The following CFAP47 variants were observed in gnomAD, a reference collection of about 807,000 sequenced individuals.
CFAP47 encodes the protein cilia and flagella associated protein 47.
In CFAP47, 29 loss-of-function variants were observed where a neutral mutation model predicts 148.1. That is an observed-to-expected ratio of 0.20 (90% CI 0.15 to 0.27). The LOEUF (loss-of-function observed/expected upper bound fraction) is 0.27, where lower values mean the gene tolerates loss of function less well. Among genes scored for constraint, CFAP47 ranks in the 10% least tolerant of loss-of-function variants. The pLI, the probability that CFAP47 is intolerant of heterozygous loss-of-function variation, is 1.00. For synonymous variants in CFAP47, 664 were observed against 577.3 expected (o/e 1.15, Z -2.15); for missense variants, 1,872 against 1,697.5 (o/e 1.10, Z -1.81).
chrX:36,112,597 T>C (rs1938574386), intron 33 of CFAP47, among the ~76,000 whole-genome samples: 1 of 111,581 alleles, frequency 9.0e-6, no homozygotes, highest in African/African-American at 3.3e-5. Flanking sequence ...GGTGGATAGT[T>C]CTGTAGATGT....
intron 10 of CFAP47, among the ~76,000 whole-genome samples, chrX:35,970,210 G>A (rs1261550152): frequency 9.0e-6 from 1 of 110,663 alleles, no homozygotes; most frequent in Non-Finnish European, 1.9e-5. Flanking sequence ...AAAAGGAAGA[G>A]CATAAACCCA....
At chrX:36,008,864 G>A (rs1331816476) in intron 21 of CFAP47, among the ~76,000 whole-genome samples, 1 of 111,684 alleles carries the variant, frequency 9.0e-6, no homozygotes, top group Non-Finnish European at 1.9e-5. Context: ...TCCCCTCTGT[G>A]AAATCTCTGG....
intron 57 of CFAP47, among the ~76,000 whole-genome samples, chrX:36,323,342 T>A (rs1344352308): frequency 8.2e-5 from 9 of 110,228 alleles, no homozygotes; most frequent in Non-Finnish European, 1.5e-4. Flanking sequence ...CCTAGGCCTT[T>A]TTTTTTTTCT....
chrX:35,941,234 C>G (rs1489977616), intron 2 of CFAP47, 49 bp from the exon 3 acceptor site: 2 of 672,257 alleles, frequency 3.0e-6, no homozygotes, highest in African/African-American at 2.3e-5. Flanking sequence ...AGCTATCAGG[C>G]TCTTATGATT....
chrX:36,108,570 A>G (rs1309534011), intron 33 of CFAP47, among the ~76,000 whole-genome samples: 2 of 111,500 alleles, frequency 1.8e-5, no homozygotes, highest in African/African-American at 6.5e-5. Context: ...TCACCCTCTC[A>G]TATTTACCAC....
At chrX:36,366,351 T>G (rs1049795442) in intron 61 of CFAP47, among the ~76,000 whole-genome samples, 7 of 111,787 alleles carry the variant, frequency 6.3e-5, no homozygotes, top group Non-Finnish European at 1.3e-4. Flanking sequence ...TTTGAAAGTC[T>G]TAAGTCTATC....
At chrX:35,958,270 C>T (rs994525900) in intron 8 of CFAP47, among the ~76,000 whole-genome samples, 4 of 111,467 alleles carry the variant, frequency 3.6e-5, no homozygotes, top group Non-Finnish European at 3.8e-5. Context: ...TTTGTTTATC[C>T]GGTCATCAAT....
chrX:36,381,156 C>T (rs1234670029), intron 63 of CFAP47, among the ~76,000 whole-genome samples: 2 of 111,335 alleles, frequency 1.8e-5, no homozygotes, highest in Non-Finnish European at 3.8e-5. Flanking sequence ...AATCACCATG[C>T]ACTAATAATC....
chrX:36,085,481 A>G lies in CFAP47; in HGVS notation c.4859A>G (p.His1620Arg), dbSNP rs1459761188. 4 of 1,208,168 alleles carry G rather than the reference A, an allele frequency of 3.3e-6. No homozygotes were observed. Among genetic ancestry groups the G allele is most frequent in the Non-Finnish European group, 4.5e-6 (4 of 893,135 alleles). ...AGTCAATCTTTACCTGTAGATAACC[A>G]TGAAAAAAGGGTAATTCAACTCCAT... ...NSSQSLPVDN[H>R]EKRVIQLHLQ... The change falls in exon 30 of 64, where the codon CAT (histidine) becomes CGT (arginine). Residue 1620 changes from histidine to arginine, a missense_variant. Physicochemically the swap from His to Arg is conservative, Grantham distance 29. Coordinates refer to ENST00000378653, the MANE Select transcript of CFAP47 (RefSeq NM_001304548.2).
At chrX:36,137,333 C>G (rs911532718) in intron 33 of CFAP47, among the ~76,000 whole-genome samples, 2 of 111,297 alleles carry the variant, frequency 1.8e-5, no homozygotes, top group African/African-American at 6.5e-5. Flanking sequence ...AACCTCCACC[C>G]AATATAGGTC....
intron 61 of CFAP47, among the ~76,000 whole-genome samples, chrX:36,365,232 A>G (rs1306305328): frequency 9.1e-6 from 1 of 110,392 alleles, no homozygotes; most frequent in Non-Finnish European, 1.9e-5. Flanking sequence ...GTTTAAGATT[A>G]TGTATTAATC....
At chrX:36,345,348 A>G (rs782740793) in intron 57 of CFAP47, among the ~76,000 whole-genome samples, 11 of 111,503 alleles carry the variant, frequency 9.9e-5, no homozygotes, top group Non-Finnish European at 1.9e-4. Flanking sequence ...GATTTTTGGC[A>G]TGAGACTGTT....
intron 26 of CFAP47, among the ~76,000 whole-genome samples, chrX:36,055,118 T>C (rs1226698847): frequency 9.0e-6 from 1 of 110,563 alleles, no homozygotes; most frequent in Non-Finnish European, 1.9e-5. Flanking sequence ...TTTTTTTTAA[T>C]TTAACACCAT....
Position 35,924,059 on chromosome X carries a change from GC to G in CFAP47, c.250-1957del, listed in dbSNP as rs1339863141. Among the ~76,000 whole-genome samples, 7 of 94,789 alleles carry G rather than the reference GC, an allele frequency of 7.4e-5. 2 individuals carry two copies. The highest frequency in any genetic ancestry group is 2.9e-4 in the African/African-American group (7 of 23,729). The allele number at this position is 94,789 out of a possible 115,157, so 82.3% of individuals were successfully genotyped here. A position where few individuals can be genotyped will look rare whatever the true frequency, so the allele number is the denominator to read the frequency against. The stretch of plus-strand genomic sequence containing the variant: ...CATATATGTGTATATGTACATGTAT[GC>G]GCACATATATGTATATATGTACATG... On this transcript the variant is annotated intron_variant, in intron 1 of 63. Transcript: ENST00000378653.
intron 15 of CFAP47, among the ~76,000 whole-genome samples, chrX:35,986,521 G>C (rs1936717482): frequency 9.2e-6 from 1 of 109,199 alleles, no homozygotes; most frequent in African/African-American, 3.3e-5. Flanking sequence ...CTTTTATCAA[G>C]GTTCTTAGCT....
chrX:36,315,363 T>A (rs1941425149), intron 56 of CFAP47, among the ~76,000 whole-genome samples: 1 of 111,940 alleles, frequency 8.9e-6, no homozygotes, highest in African/African-American at 3.2e-5. Flanking sequence ...TGGAGTGGCT[T>A]GCCCTTCACT....
At chrX:36,120,116 C>T (rs934616644) in intron 33 of CFAP47, among the ~76,000 whole-genome samples, 3 of 109,291 alleles carry the variant, frequency 2.7e-5, no homozygotes, top group African/African-American at 1.0e-4. Flanking sequence ...ATTCTCCTGC[C>T]TTAGCCTCCC....
chrX:35,995,248 T>C (rs1052875746), intron 18 of CFAP47, among the ~76,000 whole-genome samples: 6 of 111,704 alleles, frequency 5.4e-5, no homozygotes, highest in Admixed American at 9.5e-5. Context: ...GACTAGATTA[T>C]ACTACCAAAT....
At chrX:36,299,778 A>G (rs1275184554) in intron 52 of CFAP47, among the ~76,000 whole-genome samples, 1 of 111,788 alleles carries the variant, frequency 8.9e-6, no homozygotes, top group Non-Finnish European at 1.9e-5. Context: ...GGCATATTTT[A>G]TTTAATGTAA....
Sources: allele counts gnomAD v4.1 joint callset (sites outside exome capture counted in the v4.1 genomes callset), GRCh38; gene constraint gnomAD v4.1.1; transcripts MANE v1.5; gene names NCBI Gene and HGNC (gene_info 2026-07-23, HGNC 2026-07-21).